DNAH1: variants seen among roughly 807,000 people sequenced by gnomAD.
The protein encoded by DNAH1 is dynein axonemal heavy chain 1.
Under a neutral mutation model 484.3 loss-of-function variants are expected in DNAH1, and 327 were observed. The observed-to-expected ratio is 0.68, with a 90% confidence interval of 0.62 to 0.74. The LOEUF is 0.74. DNAH1 is among the 30% of genes least tolerant of loss of function. The pLI is 0.00. For missense variants in DNAH1, 5,052 were observed against 5,546.8 expected (o/e 0.91, Z 2.83); for synonymous variants, 2,192 against 2,191.9 (o/e 1.00, Z 0.00).
intron 63 of DNAH1, 35 bp from the exon 64 acceptor site, chr3:52,392,429 G>C (rs747600201): frequency 1.3e-6 from 2 of 1,592,430 alleles, no homozygotes; most frequent in African/African-American, 2.7e-5. Flanking sequence ...GGGCCCACCA[G>C]GTATTACAGA....
In DNAH1 at chr3:52,384,828, T is replaced by C; in HGVS notation, c.8365T>C (p.Cys2789Arg). 6 of 1,605,468 alleles carry C rather than the reference T, an allele frequency of 3.7e-6. No individual in the cohort carries two copies. Among genetic ancestry groups the C allele is most frequent in the Non-Finnish European group, 5.1e-6 (6 of 1,175,930 alleles). ...VYIHQSVSKK[C>R]IEYLAELTRH... Reference sequence around the variant, plus strand: ...CATCCACCAGTCGGTGTCCAAGAAGTGCATCGAGTACCTGGCAGAGCTGAC... The same window carrying C: ...CATCCACCAGTCGGTGTCCAAGAAGCGCATCGAGTACCTGGCAGAGCTGAC... Residue 2789 changes from cysteine (C) to arginine (R), a missense_variant, in exon 53 of 78, where the codon TGC (cysteine) becomes CGC (arginine). By Grantham distance (180) the Cys-to-Arg change is radical (BLOSUM62 -3). Coordinates refer to ENST00000420323, the MANE Select transcript of DNAH1 (RefSeq NM_015512.5).
At chr3:52,400,236 CT>C in intron 77 of DNAH1, 88 bp from the exon 78 acceptor site, 1 of 1,559,124 alleles carries the variant, frequency 6.4e-7, no homozygotes, top group Non-Finnish European at 8.7e-7. Context: ...CTGTCCTCAG[CT>C]TAGTCTGCCC....
rs369311357 is a variant in DNAH1, at chr3:52,359,299, G to C, written c.4320G>C (p.Gly1440=). ...GGCCTGGCCAGGTGACCATCGCTGG[G>C]TGCCAGACCTACTGGACCATGGAGG... ...LNWPGQVTIA[G]CQTYWTMEVA... Residue 1440 remains glycine, a synonymous_variant, in exon 26 of 78, where the codon GGG becomes GGC. Transcript: ENST00000420323. The C allele has an allele frequency of 5.1e-5, 80 of 1,569,542 alleles. 2 individuals carry two copies. The South Asian group carries it at 8.3e-4, about 16-fold the overall frequency.
upstream of DNAH1, among the ~76,000 whole-genome samples, chr3:52,313,409 T>C (rs1301687468): frequency 6.6e-6 from 1 of 152,172 alleles, no homozygotes; most frequent in African/African-American, 2.4e-5. Context: ...GGGATTCTCA[T>C]GGCAATGGGT....
intron 8 of DNAH1, among the ~76,000 whole-genome samples, chr3:52,335,868 A>G (rs998347556): frequency 2.6e-5 from 4 of 151,616 alleles, no homozygotes; most frequent in Non-Finnish European, 4.4e-5. Flanking sequence ...TCCTGACCTC[A>G]AGTAATCTGC....
intron 54 of DNAH1, 29 bp downstream of exon 54, chr3:52,385,476 T>G: frequency 6.5e-7 from 1 of 1,538,314 alleles, no homozygotes; most frequent in South Asian, 1.2e-5. Flanking sequence ...CCCTCCCCAA[T>G]GCCTGACTCT....
intron 22 of DNAH1, 60 bp from the exon 23 acceptor site, chr3:52,357,554 C>G (rs772718461): frequency 3.2e-6 from 5 of 1,562,442 alleles, no homozygotes; most frequent in Non-Finnish European, 4.3e-6. Context: ...TGGGATGAGC[C>G]TATCTTGCTA....
rs1013937211 is a variant in DNAH1, at chr3:52,385,513, C to T, written c.8625+66C>T. Reference sequence around the variant, plus strand: ...AGGAAGCTCGGCACCCCCACACAGGCGCAGGCTCGCTAGCTGCCTGGCCAC... The same window carrying T: ...AGGAAGCTCGGCACCCCCACACAGGTGCAGGCTCGCTAGCTGCCTGGCCAC... On this transcript the variant is annotated intron_variant, in intron 54 of 77. Transcript: ENST00000420323. 6.3e-5 allele frequency: 85 copies of T among 1,348,460 alleles called. 1 individual carries two copies. The highest frequency in any genetic ancestry group is 5.9e-5 in the Non-Finnish European group (57 of 966,390). 83.5% of individuals were successfully genotyped at this position (1,348,460 alleles called of 1,614,324 possible).
chr3:52,344,363 C>T (rs903641167), intron 8 of DNAH1, 127 bp from the exon 9 acceptor site: 11 of 1,174,124 alleles, frequency 9.4e-6, no homozygotes, highest in Middle Eastern at 2.9e-4. Context: ...GGGGGTGTGC[C>T]CATGAATCCA....
Position 52,386,274 on chromosome 3 carries a change from G to A in DNAH1, c.8740G>A (p.Asp2914Asn). Residue 2914 changes from aspartate (D) to asparagine (N), a missense_variant, in exon 55 of 78, where the codon GAC (aspartate) becomes AAC (asparagine). Asp to Asn is a conservative substitution (Grantham distance 23). This residue lies in a region of DNAH1 where 2,929 missense variants were observed against 3,409.4 expected (regional missense o/e 0.86). Transcript: ENST00000420323. ...TGCTGACGATGCCCAGAAGGACCTG[G>A]ACGAGGCGTTGCCAGCCCTGGATGC... The part of the protein sequence containing the change: ...AIADDAQKDL[D>N]EALPALDAAL... 1 of 1,610,532 alleles carries A rather than the reference G, an allele frequency of 6.2e-7. No individual in the cohort carries two copies. The highest frequency in any genetic ancestry group is 8.5e-7 in the Non-Finnish European group (1 of 1,178,388).
At chr3:52,357,523 C>A in intron 22 of DNAH1, 91 bp from the exon 23 acceptor site, 1 of 1,493,296 alleles carries the variant, frequency 6.7e-7, no homozygotes, top group Non-Finnish European at 9.1e-7. Context: ...CGCTGAGGGG[C>A]TCTGGCTGGT....
In DNAH1 at chr3:52,374,489, G is replaced by A. The variant is rs531595235; in HGVS notation, c.6986-751G>A. On this transcript the variant is annotated intron_variant, in intron 44 of 77. Coordinates refer to ENST00000420323, the MANE Select transcript of DNAH1 (RefSeq NM_015512.5). The stretch of plus-strand genomic sequence containing the variant: ...TAATGTTCTTAAACAAATTAGAAGC[G>A]ATTTTAGATGTCATTGAACCATCAG... 109 of 1,429,360 alleles carry A rather than the reference G, an allele frequency of 7.6e-5. No individual in the cohort carries two copies. The African/African-American group carries it at 1.3e-3, about 17-fold the overall frequency. The allele number at this position is 1,429,360 out of a possible 1,614,324, so 88.5% of individuals were successfully genotyped here.
rs775402049 is a variant in DNAH1 at position 52,398,922 on chromosome 3, G to C, written c.12162G>C (p.Val4054=). The C allele has an allele frequency of 1.9e-6, 3 of 1,611,972 alleles. No individual in the cohort carries two copies. The highest frequency in any genetic ancestry group is 4.5e-5 in the East Asian group (2 of 44,838). ...DLLKALKGLV[V]MSSQLELMAA... ...TCAAGGCACTCAAGGGGCTGGTAGT[G>C]ATGTCCTCTCAGCTGGAGCTGATGG... The change falls in exon 76 of 78, where the codon GTG becomes GTC. Residue 4054 remains valine, a synonymous_variant. Coordinates refer to ENST00000420323, the MANE Select transcript of DNAH1 (RefSeq NM_015512.5).
rs139056247 is a variant in DNAH1 at position 52,371,581 on chromosome 3, A to G, written c.6526-365A>G. The stretch of plus-strand genomic sequence containing the variant: ...GTTCTGGCCCCCACATTTCTCGGGT[A>G]GCCTGAAACTAAACAGAAAACCCCT... On this transcript the variant is annotated intron_variant, in intron 41 of 77. Coordinates refer to ENST00000420323, the MANE Select transcript of DNAH1 (RefSeq NM_015512.5). Among the ~76,000 whole-genome samples, 34 of 152,320 alleles carry G rather than the reference A, an allele frequency of 2.2e-4. 1 individual carries two copies. In the East Asian group the frequency reaches 6.0e-3, roughly 27 times the overall value.
rs751949044 is a variant in DNAH1, at chr3:52,348,885, C to T, written c.2107-3C>T. 5 of 1,611,936 alleles carry T rather than the reference C, an allele frequency of 3.1e-6. No individual in the cohort carries two copies. Among genetic ancestry groups the T allele is most frequent in the Non-Finnish European group, 4.2e-6 (5 of 1,179,426 alleles). On this transcript the variant is annotated splice_polypyrimidine_tract_variant and splice_region_variant and intron_variant, in intron 12 of 77. Coordinates refer to ENST00000420323, the MANE Select transcript of DNAH1 (RefSeq NM_015512.5). ...TGCCCTGCCACATGCCTTCCCTCTG[C>T]AGCTGGTGATGGAGGACATCTTCAT...
intron 7 of DNAH1, 84 bp downstream of exon 7, chr3:52,331,393 C>G: frequency 2.1e-6 from 3 of 1,451,154 alleles, no homozygotes; most frequent in Non-Finnish European, 2.8e-6. Context: ...GCCCAGGGCA[C>G]TGCCAGATCA....
At position 52,362,575 on chromosome 3, in the gene DNAH1, G is replaced by T; in HGVS notation, c.5094+74G>T. 1 of 1,326,788 alleles carries T rather than the reference G, an allele frequency of 7.5e-7. No individual in the cohort carries two copies. Among genetic ancestry groups the T allele is most frequent in the Middle Eastern group, 1.8e-4 (1 of 5,530 alleles). 82.2% of individuals were successfully genotyped at this position (1,326,788 alleles called of 1,614,324 possible). On this transcript the variant is annotated intron_variant, in intron 31 of 77. Transcript: ENST00000420323. The surrounding 1 kb of genome is among the most constrained non-coding windows in gnomAD (Gnocchi z 5.1). The stretch of plus-strand genomic sequence containing the variant: ...AGTTCAGAGATGCTAAGCCACTTAT[G>T]CAAGGACACAGTTGCTTGGACTCCA...
At position 52,326,226 on chromosome 3, in the gene DNAH1, G is replaced by A; in HGVS notation, c.493G>A (p.Asp165Asn). Residue 165 changes from aspartate to asparagine, a missense_variant, in exon 4 of 78, where the codon GAC becomes AAC. This residue lies in a region of DNAH1 where 1,263 missense variants were observed against 1,218.8 expected (regional missense o/e 1.04). Coordinates refer to ENST00000420323, the MANE Select transcript of DNAH1 (RefSeq NM_015512.5). ...CACCACCCGGCTGCTCGCCCAGACT[G>A]ACTTCCCACTGCAGGCCTACGAGCC... Reference protein sequence around the residue: ...GSTTRLLAQTDFPLQAYEPKM... With the variant: ...GSTTRLLAQTNFPLQAYEPKM... 6.2e-7 allele frequency: 1 copy of A among 1,613,190 alleles called. No individual in the cohort carries two copies. The highest frequency in any genetic ancestry group is 8.5e-7 in the Non-Finnish European group (1 of 1,179,650).
At chr3:52,393,127 TAC>T in intron 65 of DNAH1, 102 bp downstream of exon 65, 1 of 1,462,696 alleles carries the variant, frequency 6.8e-7, no homozygotes, top group Non-Finnish European at 9.4e-7. Context: ...TTCACTGGCG[TAC>T]ACTCTCCTCT....
Sources: allele counts gnomAD v4.1 joint callset (sites outside exome capture counted in the v4.1 genomes callset), GRCh38; gene constraint gnomAD v4.1.1; regional missense constraint gnomAD v4.1.1; non-coding constraint Gnocchi (gnomAD v3.1); transcripts MANE v1.5; gene names NCBI Gene and HGNC (gene_info 2026-07-23, HGNC 2026-07-21).